Variants in ACYP2 observed in about 807,000 individuals in gnomAD.
ACYP2 encodes acylphosphatase-2.
A neutral mutation model predicts 11.2 loss-of-function variants in ACYP2; 12 were observed. That is an observed-to-expected ratio of 1.08 (90% confidence interval 0.69 to 1.74). The LOEUF is 1.74. Ranked by LOEUF, ACYP2 falls within the 40% of genes most tolerant of loss-of-function variation. ACYP2 has a pLI of 0.00. For missense variants in ACYP2, 134 were observed against 101.9 expected (o/e 1.31, Z -1.35); for synonymous variants, 43 against 32.2 (o/e 1.33, Z -1.13).
chr2:54,233,720 G>C (rs1686346270), intron 6 of ACYP2, among the ~76,000 whole-genome samples: 1 of 152,040 alleles, frequency 6.6e-6, no homozygotes, highest in Non-Finnish European at 1.5e-5. Context: ...ACTAATTGAA[G>C]TTTTGAAGGT....
intron 3 of ACYP2, chr2:54,051,850 G>C (rs1279454148): frequency 9.9e-6 from 3 of 304,060 alleles, no homozygotes; most frequent in African/African-American, 4.5e-5. Flanking sequence ...TTTGAGACCA[G>C]CCTGGCCAAC....
At chr2:54,108,734 T>G (rs1454490259) in intron 4 of ACYP2, among the ~76,000 whole-genome samples, 1 of 152,178 alleles carries the variant, frequency 6.6e-6, no homozygotes, top group Admixed American at 6.5e-5. Context: ...ATTTTTTGCC[T>G]CCTTGGTGTG....
chr2:54,180,426 A>C (rs958139934), intron 6 of ACYP2, among the ~76,000 whole-genome samples: 1 of 152,028 alleles, frequency 6.6e-6, no homozygotes, highest in Non-Finnish European at 1.5e-5. Context: ...CTCCATCCTG[A>C]AGCTACCACC....
At chr2:54,252,361 G>T (rs62139253) in intron 6 of ACYP2, among the ~76,000 whole-genome samples, 22,429 of 151,990 alleles carry the variant, frequency 0.15, 1,654 homozygotes, top group African/African-American at 0.18. Context: ...TCTGTTGTTA[G>T]AAATACTTTA....
At chr2:54,059,786 C>A (rs955583337) in intron 4 of ACYP2, among the ~76,000 whole-genome samples, 2 of 152,094 alleles carry the variant, frequency 1.3e-5, no homozygotes, top group South Asian at 2.1e-4. Flanking sequence ...TGCATGGATG[C>A]CTTGTATGTT....
At chr2:54,085,043 A>G (rs1213853747) in intron 4 of ACYP2, 1 of 152,234 alleles carries the variant, frequency 6.6e-6, no homozygotes, top group Non-Finnish European at 1.5e-5. Context: ...TACTTTCAAA[A>G]AAACAATACA....
chr2:54,076,680 T>C (rs1057477694), intron 4 of ACYP2, among the ~76,000 whole-genome samples: 1 of 152,168 alleles, frequency 6.6e-6, no homozygotes, highest in Non-Finnish European at 1.5e-5. Context: ...GAGAAGGAAT[T>C]TTGAAGAACT....
intron 6 of ACYP2, among the ~76,000 whole-genome samples, chr2:54,153,844 C>T (rs1314771904): frequency 6.6e-6 from 1 of 152,108 alleles, no homozygotes; most frequent in African/African-American, 2.4e-5. Flanking sequence ...TCGTGATCTG[C>T]CTGCCTCGGC....
chr2:54,182,047 A>ATT (rs35145998), intron 6 of ACYP2, among the ~76,000 whole-genome samples: 2,101 of 83,052 alleles, frequency 0.025, 209 homozygotes, highest in African/African-American at 0.068. Context: ...ATAGAAGATA[A>ATT]TTTTTTTTTT....
intron 1 of ACYP2, among the ~76,000 whole-genome samples, chr2:53,972,754 T>G (rs1359326931): frequency 2.6e-5 from 4 of 152,194 alleles, no homozygotes; most frequent in Non-Finnish European, 5.9e-5. Flanking sequence ...TGGCTTGGGC[T>G]TAGTAGTTGA....
chr2:54,235,296 G>A (rs972306472), intron 6 of ACYP2, among the ~76,000 whole-genome samples: 18 of 151,278 alleles, frequency 1.2e-4, no homozygotes, highest in African/African-American at 4.1e-4. Flanking sequence ...TTTTAATTAA[G>A]TTTTGGTTTG....
At chr2:54,299,861 G>A (rs1689657701) in intron 6 of ACYP2, among the ~76,000 whole-genome samples, 1 of 152,204 alleles carries the variant, frequency 6.6e-6, no homozygotes, top group African/African-American at 2.4e-5. Flanking sequence ...TGCATTGCAG[G>A]CAGGTGTGTT....
At chr2:54,139,467 C>T (rs1681475318) in intron 6 of ACYP2, among the ~76,000 whole-genome samples, 2 of 152,250 alleles carry the variant, frequency 1.3e-5, no homozygotes, top group Admixed American at 6.5e-5. Context: ...TACACAATGA[C>T]GTTTTCAAAA....
intron 6 of ACYP2, among the ~76,000 whole-genome samples, chr2:54,146,561 C>T (rs1453385321): frequency 6.6e-6 from 1 of 151,888 alleles, no homozygotes; most frequent in Non-Finnish European, 1.5e-5. Context: ...AGGTGTGAGC[C>T]ACCATGCCCG....
At chr2:54,228,472 T>C (rs1044283334) in intron 6 of ACYP2, among the ~76,000 whole-genome samples, 1 of 152,176 alleles carries the variant, frequency 6.6e-6, no homozygotes, top group South Asian at 2.1e-4. Flanking sequence ...TTACTTAAGG[T>C]CATACGATCT....
chr2:54,207,975 TCCTAAGC>T (rs1287375004), intron 6 of ACYP2, among the ~76,000 whole-genome samples: 1 of 152,134 alleles, frequency 6.6e-6, no homozygotes, highest in East Asian at 1.9e-4. Context: ...ATTTCTGCAA[TCCTAAGC>T]CTGTTATAAC....
chr2:54,193,810 T>C (rs1044176091), intron 6 of ACYP2, among the ~76,000 whole-genome samples: 3 of 152,196 alleles, frequency 2.0e-5, no homozygotes, highest in Non-Finnish European at 4.4e-5. Flanking sequence ...GTTGTCTTTA[T>C]ATCTGCAAAT....
At chr2:54,288,368 C>T (rs975754183) in intron 6 of ACYP2, among the ~76,000 whole-genome samples, 1 of 151,894 alleles carries the variant, frequency 6.6e-6, no homozygotes, top group African/African-American at 2.4e-5. Context: ...AAGTGAAAAG[C>T]AGTGGGTGGT....
chr2:53,998,355 A>T (rs1233279890), intron 2 of ACYP2, among the ~76,000 whole-genome samples: 1 of 152,194 alleles, frequency 6.6e-6, no homozygotes, highest in African/African-American at 2.4e-5. Context: ...AACTTAAGCA[A>T]CTATAGGATC....
Sources: gnomAD v4.1 joint callset for allele counts (sites outside exome capture counted in the v4.1 genomes callset) on GRCh38, gnomAD v4.1.1 for gene constraint, MANE v1.5 for transcripts, NCBI Gene and HGNC (gene_info 2026-07-23, HGNC 2026-07-21) for gene names.